Variants in CXCL6 observed in about 807,000 individuals in gnomAD.
The protein encoded by CXCL6 is C-X-C motif chemokine ligand 6, also known as C-X-C motif chemokine 6.
A neutral mutation model predicts 10.5 loss-of-function variants in CXCL6; 18 were observed. The ratio of observed to expected loss-of-function variants is 1.71; its 90% CI spans 1.18 to 2.54. The LOEUF is 2.54. CXCL6 is among the 30% of genes most tolerant of loss of function. The pLI, the probability that CXCL6 is intolerant of heterozygous loss-of-function variation, is 0.00. For missense variants in CXCL6, 171 were observed against 145.7 expected (o/e 1.17, Z -0.90); for synonymous variants, 82 against 68.3 (o/e 1.20, Z -0.99).
In CXCL6 at chr4:73,837,096, T is replaced by C; in HGVS notation, c.242T>C (p.Val81Ala). Residue 81 changes from valine to alanine, a missense_variant and splice_region_variant, in exon 2 of 4, where the codon GTA (valine) becomes GCA (alanine). Physicochemically the swap from Val to Ala is moderately conservative, Grantham distance 64. Coordinates refer to ENST00000226317, the MANE Select transcript of CXCL6 (RefSeq NM_002993.4). ...AGPQCSKVEV[V>A]ASLKNGKQVC... The stretch of plus-strand genomic sequence containing the variant: ...CCGCAGTGCTCCAAGGTGGAAGTGG[T>C]GTAAGTTCTCCTGTGTTGCTGTGTC... 6.2e-7 allele frequency: 1 copy of C among 1,613,058 alleles called. No homozygotes were observed. Among genetic ancestry groups the C allele is most frequent in the Non-Finnish European group, 8.5e-7 (1 of 1,179,472 alleles).
Position 73,836,969 on chromosome 4 carries a change from C to G in CXCL6, c.115C>G (p.Pro39Ala). Residue 39 changes from proline to alanine, a missense_variant, in exon 2 of 4, where the codon CCT (proline) becomes GCT (alanine). Pro to Ala is a conservative substitution (Grantham distance 27, BLOSUM62 -1). Transcript: ENST00000226317. ...TPPGPLASAG[P>A]VSAVLTELRC... Reference sequence around the variant, plus strand: ...AAAATGTCTTTCTTCCCCAGCTGGTCCTGTCTCTGCTGTGCTGACAGAGCT... The same window carrying G: ...AAAATGTCTTTCTTCCCCAGCTGGTGCTGTCTCTGCTGTGCTGACAGAGCT... 1 of 1,607,110 alleles carries G rather than the reference C, an allele frequency of 6.2e-7. No individual in the cohort carries two copies. The highest frequency in any genetic ancestry group is 1.7e-4 in the Middle Eastern group (1 of 6,010).
rs267600253 is a variant in CXCL6, at chr4:73,837,064, C to T, written c.210C>T (p.Pro70=). 10 of 1,613,582 alleles carry T rather than the reference C, an allele frequency of 6.2e-6. No homozygotes were observed. Among genetic ancestry groups the T allele is most frequent in the African/African-American group, 4.0e-5 (3 of 74,930 alleles). The change falls in exon 2 of 4, where the codon CCC becomes CCT. Residue 70 remains proline (P), a synonymous_variant. Transcript: ENST00000226317. ...PKTIGKLQVF[P]AGPQCSKVEV... is the part of the protein sequence containing the mutation. ...CGATTGGTAAACTGCAGGTGTTCCC[C>T]GCAGGCCCGCAGTGCTCCAAGGTGG... is the stretch of plus-strand genomic sequence containing the variant.
At chr4:73,837,511 T>C (rs547969906) in intron 3 of CXCL6, 112 bp from the exon 4 acceptor site, 1 of 1,111,552 alleles carries the variant, frequency 9.0e-7, no homozygotes, top group East Asian at 2.4e-5. Flanking sequence ...CTATTTTTTG[T>C]CTGCTCTTTG....
chr4:73,836,950 T>C lies in CXCL6; in HGVS notation c.110-14T>C, dbSNP rs974227971. On this transcript the variant is annotated splice_polypyrimidine_tract_variant and intron_variant, in intron 1 of 3. Coordinates refer to ENST00000226317, the MANE Select transcript of CXCL6 (RefSeq NM_002993.4). The stretch of plus-strand genomic sequence containing the variant: ...CCCAGCAACCTGCCCTATAAAAATG[T>C]CTTTCTTCCCCAGCTGGTCCTGTCT... The C allele has an allele frequency of 1.9e-5, 30 of 1,603,462 alleles. No homozygotes were observed. The highest frequency in any genetic ancestry group is 2.6e-5 in the Non-Finnish European group (30 of 1,174,544).
Position 73,837,426 on chromosome 4 carries a change from T to C in CXCL6, c.326+140T>C. 6 of 975,738 alleles carry C rather than the reference T, an allele frequency of 6.1e-6. No homozygotes were observed. The South Asian group carries it at 7.6e-5, about 12-fold the overall frequency. The allele number at this position is 975,738 out of a possible 1,614,324, so 60.4% of individuals were successfully genotyped here. A position where few individuals can be genotyped will look rare whatever the true frequency, so the allele number is the denominator to read the frequency against. On this transcript the variant is annotated intron_variant, in intron 3 of 3. Coordinates refer to ENST00000226317, the MANE Select transcript of CXCL6 (RefSeq NM_002993.4). ...TTAAGAAGAATAAGGAAACTTTTTT[T>C]CTGGAATGTTCTGGGTAAACCTTTA...
Position 73,837,255 on chromosome 4 carries a change from C to G in CXCL6, c.295C>G (p.Leu99Val). 2 of 1,614,192 alleles carry G rather than the reference C, an allele frequency of 1.2e-6. No homozygotes were observed. Among genetic ancestry groups the G allele is most frequent in the Non-Finnish European group, 1.7e-6 (2 of 1,180,016 alleles). Reference protein sequence around the residue: ...QVCLDPEAPFLKKVIQKILDS... With the variant: ...QVCLDPEAPFVKKVIQKILDS... ...TTGTCTGGACCCGGAAGCCCCTTTT[C>G]TAAAGAAAGTCATCCAGAAAATTTT... Residue 99 changes from leucine to valine, a missense_variant, in exon 3 of 4, where the codon CTA becomes GTA. By Grantham distance (32) the Leu-to-Val change is conservative. Transcript: ENST00000226317.
In CXCL6 at chr4:73,838,142, T is replaced by G. The variant is rs1731146154; in HGVS notation, c.*501T>G. 1 of 152,468 alleles carries G rather than the reference T, an allele frequency of 6.6e-6. No homozygotes were observed. Among genetic ancestry groups the G allele is most frequent in the Admixed American group, 6.5e-5 (1 of 15,298 alleles). The allele number at this position is 152,468 out of a possible 1,614,324, so 9.4% of individuals were successfully genotyped here. A position where few individuals can be genotyped will look rare whatever the true frequency, so the allele number is the denominator to read the frequency against. On this transcript the variant is annotated 3_prime_UTR_variant, in exon 4 of 4. Coordinates refer to ENST00000226317, the MANE Select transcript of CXCL6 (RefSeq NM_002993.4). ...TTGGGGAATATGTTACTCTTTACCC[T>G]AGGATGCTATTTAAGTTGTACTGTA...
rs1731152646 is a variant in CXCL6 at position 73,838,493 on chromosome 4, A to C, written c.*852A>C. 1.3e-5 allele frequency: 2 copies of C among 152,614 alleles called. No homozygotes were observed. The highest frequency in any genetic ancestry group is 1.3e-4 in the Admixed American group (2 of 15,278). The allele number at this position is 152,614 out of a possible 1,614,324, so 9.5% of individuals were successfully genotyped here. A position where few individuals can be genotyped will look rare whatever the true frequency, so the allele number is the denominator to read the frequency against. On this transcript the variant is annotated 3_prime_UTR_variant, in exon 4 of 4. Coordinates refer to ENST00000226317, the MANE Select transcript of CXCL6 (RefSeq NM_002993.4). The stretch of plus-strand genomic sequence containing the variant: ...TTTTTTAAATAAAAGCAAAATTAAC[A>C]ATGATCTGTGCTCTGAAAGTTTTGA...
rs1040206395 is a variant in CXCL6 at position 73,836,806 on chromosome 4, G to A, written c.56G>A (p.Cys19Tyr). 5.6e-6 allele frequency: 9 copies of A among 1,612,256 alleles called. No homozygotes were observed. The highest frequency in any genetic ancestry group is 7.6e-6 in the Non-Finnish European group (9 of 1,179,472). The part of the protein sequence containing the change: ...ARVPGPSGSL[C>Y]ALLALLLLLT... ...GTCCCGGGTCCTTCGGGCTCCTTGT[G>A]CGCGCTGCTCGCGCTGCTGCTCCTG... Residue 19 changes from cysteine (C) to tyrosine (Y), a missense_variant, in exon 1 of 4, where the codon TGC (cysteine) becomes TAC (tyrosine). Transcript: ENST00000226317.
Position 73,837,243 on chromosome 4 carries a change from G to A in CXCL6, c.283G>A (p.Glu95Lys). 2.2e-5 allele frequency: 35 copies of A among 1,614,192 alleles called. No homozygotes were observed. The highest frequency in any genetic ancestry group is 2.9e-5 in the Non-Finnish European group (34 of 1,180,034). ...CGGGAAGCAAGTTTGTCTGGACCCG[G>A]AAGCCCCTTTTCTAAAGAAAGTCAT... ...KNGKQVCLDP[E>K]APFLKKVIQK... Residue 95 changes from glutamate (E) to lysine (K), a missense_variant, in exon 3 of 4, where the codon GAA (glutamate) becomes AAA (lysine). Coordinates refer to ENST00000226317, the MANE Select transcript of CXCL6 (RefSeq NM_002993.4).
chr4:73,836,729 C>G lies in CXCL6; in HGVS notation c.-22C>G. ...CGCGCCTCCACCCAGCTCAGGAACC[C>G]GCGAACCCTCTCTTGACCACTATGA... On this transcript the variant is annotated 5_prime_UTR_variant, in exon 1 of 4. Transcript: ENST00000226317. 6.3e-7 allele frequency: 1 copy of G among 1,592,192 alleles called. No individual in the cohort carries two copies. The highest frequency in any genetic ancestry group is 8.6e-7 in the Non-Finnish European group (1 of 1,169,240).
Position 73,836,808 on chromosome 4 carries a change from G to T in CXCL6, c.58G>T (p.Ala20Ser), listed in dbSNP as rs1320035852. 1.4e-5 allele frequency: 22 copies of T among 1,612,020 alleles called. No individual in the cohort carries two copies. The highest frequency in any genetic ancestry group is 1.9e-5 in the Non-Finnish European group (22 of 1,179,356). Residue 20 changes from alanine to serine, a missense_variant, in exon 1 of 4, where the codon GCG becomes TCG. Coordinates refer to ENST00000226317, the MANE Select transcript of CXCL6 (RefSeq NM_002993.4). The stretch of plus-strand genomic sequence containing the variant: ...CCCGGGTCCTTCGGGCTCCTTGTGC[G>T]CGCTGCTCGCGCTGCTGCTCCTGCT... ...RVPGPSGSLC[A>S]LLALLLLLTP...
rs944155629 is a variant in CXCL6, at chr4:73,836,788, G to A, written c.38G>A (p.Gly13Asp). Residue 13 changes from glycine (G) to aspartate (D), a missense_variant, in exon 1 of 4, where the codon GGT (glycine) becomes GAT (aspartate). Transcript: ENST00000226317. ...TCCAGCCGCGCGGCCCGTGTCCCGG[G>A]TCCTTCGGGCTCCTTGTGCGCGCTG... The part of the protein sequence containing the change: ...LPSSRAARVP[G>D]PSGSLCALLA... 1.9e-6 allele frequency: 3 copies of A among 1,611,818 alleles called. No individual in the cohort carries two copies. Among genetic ancestry groups the A allele is most frequent in the Admixed American group, 1.7e-5 (1 of 59,910 alleles).
chr4:73,837,337 AT>A, intron 3 of CXCL6, 51 bp downstream of exon 3: 1 of 1,436,620 alleles, frequency 7.0e-7, no homozygotes, highest in Non-Finnish European at 9.8e-7. Context: ...TATGGAAAGC[AT>A]ATACTTCACA....
intron 3 of CXCL6, 22 bp downstream of exon 3, chr4:73,837,308 G>A (rs1043572855): frequency 1.9e-6 from 3 of 1,593,920 alleles, no homozygotes; most frequent in Admixed American, 3.3e-5. Context: ...TTTGATCTTT[G>A]TGGTGTTTTA....
Position 73,837,068 on chromosome 4 carries a change from G to A in CXCL6, c.214G>A (p.Gly72Ser), listed in dbSNP as rs4608774. ...TIGKLQVFPAGPQCSKVEVVA... is the reference protein window; with the variant it reads ...TIGKLQVFPASPQCSKVEVVA... ...TGGTAAACTGCAGGTGTTCCCCGCA[G>A]GCCCGCAGTGCTCCAAGGTGGAAGT... Residue 72 changes from glycine (G) to serine (S), a missense_variant, in exon 2 of 4, where the codon GGC becomes AGC. By Grantham distance (56) the Gly-to-Ser change is moderately conservative. Coordinates refer to ENST00000226317, the MANE Select transcript of CXCL6 (RefSeq NM_002993.4). The A allele has an allele frequency of 3.1e-6, 5 of 1,613,804 alleles. No homozygotes were observed. The African/African-American group carries it at 6.7e-5, about 22-fold the overall frequency.
chr4:73,837,173 A>G (rs1196023474), intron 2 of CXCL6, 30 bp from the exon 3 acceptor site: 25 of 1,613,782 alleles, frequency 1.5e-5, no homozygotes, highest in Non-Finnish European at 2.0e-5. Context: ...TTTGTGGCTC[A>G]TGGGTGCATC....
At position 73,838,613 on chromosome 4, in the gene CXCL6, T is replaced by G. The variant is rs1731155276; in HGVS notation, c.*972T>G. 1 of 152,672 alleles carries G rather than the reference T, an allele frequency of 6.5e-6. No homozygotes were observed. The highest frequency in any genetic ancestry group is 6.5e-5 in the Admixed American group (1 of 15,286). The allele number at this position is 152,672 out of a possible 1,614,324, so 9.5% of individuals were successfully genotyped here. A position where few individuals can be genotyped will look rare whatever the true frequency, so the allele number is the denominator to read the frequency against. ...TTTTCAGATATCTATTGTGGATCTT[T>G]TAAAGGTTTTGACCATTTTGTTATG... On this transcript the variant is annotated 3_prime_UTR_variant, in exon 4 of 4. Coordinates refer to ENST00000226317, the MANE Select transcript of CXCL6 (RefSeq NM_002993.4).
In CXCL6 at chr4:73,836,860, G is replaced by T. The variant is rs1731114040; in HGVS notation, c.109+1G>T. 1 of 1,612,332 alleles carries T rather than the reference G, an allele frequency of 6.2e-7. No individual in the cohort carries two copies. The highest frequency in any genetic ancestry group is 8.5e-7 in the Non-Finnish European group (1 of 1,179,040). ...ACGCCGCCGGGGCCCCTCGCCAGCG[G>T]TGAGAGCTCCTGGCACTGGGGTGCA... is the stretch of plus-strand genomic sequence containing the variant. On this transcript the variant is annotated splice_donor_variant, in intron 1 of 3. Coordinates refer to ENST00000226317, the MANE Select transcript of CXCL6 (RefSeq NM_002993.4). LOFTEE classifies it high-confidence loss of function.
Sources: allele counts gnomAD v4.1 joint callset, GRCh38; gene constraint gnomAD v4.1.1; transcripts MANE v1.5; gene names NCBI Gene and HGNC (gene_info 2026-07-23, HGNC 2026-07-21).